COL28A1: variants seen among roughly 807,000 people sequenced by gnomAD.
The protein encoded by COL28A1 is collagen alpha-1(XXVIII) chain.
A neutral mutation model predicts 150.2 loss-of-function variants in COL28A1; 161 were observed. The ratio of observed to expected loss-of-function variants is 1.07; its 90% CI spans 0.94 to 1.22. COL28A1 has a LOEUF of 1.22. Ranked by LOEUF, COL28A1 falls within the 50% of genes most tolerant of loss-of-function variation. The pLI, the probability that COL28A1 is intolerant of heterozygous loss-of-function variation, is 0.00. For missense variants in COL28A1, 1,617 were observed against 1,388.3 expected, an observed-to-expected ratio of 1.16 and a Z score of -2.62; for synonymous variants, 552 against 469.7, an observed-to-expected ratio of 1.18 and a Z score of -2.26.
intron 27 of COL28A1, among the ~76,000 whole-genome samples, chr7:7,396,911 T>C (rs1338767094): frequency 6.6e-6 from 1 of 152,196 alleles, no homozygotes; most frequent in African/African-American, 2.4e-5. Context: ...CCTGTCTCCA[T>C]GGCCCTCAAT....
At chr7:7,424,840 C>T (rs945655093) in intron 25 of COL28A1, among the ~76,000 whole-genome samples, 1 of 152,070 alleles carries the variant, frequency 6.6e-6, no homozygotes, top group East Asian at 1.9e-4. Context: ...GGACTGTCTG[C>T]AGTATTTGTG....
intron 25 of COL28A1, among the ~76,000 whole-genome samples, chr7:7,431,991 C>G (rs1343139744): frequency 6.6e-6 from 1 of 151,864 alleles, no homozygotes; most frequent in Non-Finnish European, 1.5e-5. Context: ...GGTTATGGGG[C>G]AAAAATCAAG....
At chr7:7,418,986 TCTC>T (rs1378397802) in intron 26 of COL28A1, among the ~76,000 whole-genome samples, 1 of 152,186 alleles carries the variant, frequency 6.6e-6, no homozygotes, top group Non-Finnish European at 1.5e-5. Context: ...GCCTTTTCCC[TCTC>T]CTCTCTGAGA....
intron 27 of COL28A1, among the ~76,000 whole-genome samples, chr7:7,409,126 G>T (rs1321886996): frequency 6.6e-6 from 1 of 152,052 alleles, no homozygotes; most frequent in Admixed American, 6.6e-5. Context: ...GGAGCCCAAA[G>T]CTCTAAGTAC....
intron 27 of COL28A1, among the ~76,000 whole-genome samples, chr7:7,385,814 A>G (rs1782149017): frequency 6.6e-6 from 1 of 152,182 alleles, no homozygotes; most frequent in Non-Finnish European, 1.5e-5. Context: ...CCCTATAATA[A>G]AGGCAATTCA....
chr7:7,465,272 G>A (rs1255253282), intron 15 of COL28A1, among the ~76,000 whole-genome samples: 1 of 24 alleles, frequency 0.042, no homozygotes, highest in Non-Finnish European at 0.062. Context: ...GCCGAAGCAG[G>A]GCGAGCATTG....
chr7:7,440,718 A>T (rs1189854566), intron 21 of COL28A1, 72 bp downstream of exon 21: 1 of 640,684 alleles, frequency 1.6e-6, no homozygotes, highest in Non-Finnish European at 2.8e-6. Flanking sequence ...TTTCAGTGGA[A>T]ATTTAATACT....
intron 11 of COL28A1, among the ~76,000 whole-genome samples, chr7:7,500,765 C>T (rs1468604458): frequency 6.6e-6 from 1 of 152,120 alleles, no homozygotes; most frequent in African/African-American, 2.4e-5. Flanking sequence ...ACTGAATCTC[C>T]TCATTAGTAT....
chr7:7,452,333 C>T lies in COL28A1; in HGVS notation c.1495G>A (p.Val499Ile). ...TGPRGPVGIG[V>I]QGPKGEPGSI... is the part of the protein sequence containing the mutation. ...AGTCAACTCACCTTTGGACCTTGTA[C>T]TCCAATTCCCACTGGTCCTCGAGGG... is the stretch of plus-strand genomic sequence containing the variant. The change falls in exon 18 of 35, where the codon GTA becomes ATA. Residue 499 changes from valine to isoleucine, a missense_variant. Transcript: ENST00000399429. The T allele has an allele frequency of 6.2e-7, 1 of 1,605,556 alleles. No individual in the cohort carries two copies. Among genetic ancestry groups the T allele is most frequent in the Non-Finnish European group, 8.5e-7 (1 of 1,178,136 alleles).
chr7:7,525,918 T>A (rs939633051), intron 3 of COL28A1, among the ~76,000 whole-genome samples: 1 of 152,140 alleles, frequency 6.6e-6, no homozygotes, highest in Non-Finnish European at 1.5e-5. Context: ...CCACAGACAC[T>A]AGCTACAAAA....
intron 33 of COL28A1, among the ~76,000 whole-genome samples, chr7:7,364,569 C>G (rs1397226995): frequency 6.6e-6 from 1 of 152,176 alleles, no homozygotes; most frequent in Non-Finnish European, 1.5e-5. Flanking sequence ...AGACCAAGTT[C>G]TAACCACCCC....
intron 13 of COL28A1, among the ~76,000 whole-genome samples, chr7:7,478,628 G>A (rs1789124333): frequency 1.3e-5 from 2 of 152,232 alleles, no homozygotes; most frequent in Non-Finnish European, 2.9e-5. Context: ...GGCCACACAG[G>A]AGCCCACGGC....
At chr7:7,371,465 A>G (rs1488346908) in intron 32 of COL28A1, among the ~76,000 whole-genome samples, 1 of 152,216 alleles carries the variant, frequency 6.6e-6, no homozygotes, top group Non-Finnish European at 1.5e-5. Flanking sequence ...GTTTCTGAGA[A>G]TGGTATGCTT....
intron 33 of COL28A1, among the ~76,000 whole-genome samples, chr7:7,360,760 A>T (rs1048415648): frequency 6.6e-6 from 1 of 152,122 alleles, no homozygotes; most frequent in African/African-American, 2.4e-5. Context: ...ATTTCTGTGT[A>T]CACACACATA....
chr7:7,528,758 G>C (rs113137032), intron 3 of COL28A1, among the ~76,000 whole-genome samples: 1 of 152,086 alleles, frequency 6.6e-6, no homozygotes, highest in East Asian at 1.9e-4. Context: ...AGAGATATGA[G>C]GCAATTTGGG....
chr7:7,375,281 A>G (rs1781481780), intron 31 of COL28A1, among the ~76,000 whole-genome samples, 180 bp downstream of exon 31: 1 of 152,146 alleles, frequency 6.6e-6, no homozygotes, highest in Non-Finnish European at 1.5e-5. Flanking sequence ...ATTTCCTTAC[A>G]TCAGGATTCC....
rs374652473 is a variant in COL28A1 at position 7,520,045 on chromosome 7, G to A, written c.813+17C>T. On this transcript the variant is annotated intron_variant, in intron 6 of 34. Transcript: ENST00000399429. Reference sequence around the variant, plus strand: ...AGGAGATACGCTGGTTTAAAGAAAAGCTGTTTATTCATTTACCGGGTTTCC... The same window carrying A: ...AGGAGATACGCTGGTTTAAAGAAAAACTGTTTATTCATTTACCGGGTTTCC... The A allele has an allele frequency of 6.2e-5, 73 of 1,186,570 alleles. 1 individual carries two copies. In the African/African-American group the frequency reaches 9.6e-4, roughly 16 times the overall value. 73.5% of individuals were successfully genotyped at this position (1,186,570 alleles called of 1,614,324 possible). A position where few individuals can be genotyped will look rare whatever the true frequency, so the allele number is the denominator to read the frequency against.
At chr7:7,535,627 G>A (rs980319497) in intron 1 of COL28A1, 123 bp downstream of exon 1, 1 of 152,100 alleles carries the variant, frequency 6.6e-6, no homozygotes, top group African/African-American at 2.4e-5. Flanking sequence ...TAATTGCAGA[G>A]AATACAAACT....
At chr7:7,346,089 AG>A in the COL28A1 span, among the ~76,000 whole-genome samples, 1 of 152,034 alleles carries the variant, frequency 6.6e-6, no homozygotes, top group South Asian at 2.1e-4. Context: ...CTAAAACTAA[AG>A]TTTAAGACAT....
Sources: allele counts gnomAD v4.1 joint callset (sites outside exome capture counted in the v4.1 genomes callset), GRCh38; gene constraint gnomAD v4.1.1; transcripts MANE v1.5; gene names NCBI Gene and HGNC (gene_info 2026-07-23, HGNC 2026-07-21).